The following SYNE1 variants were observed in gnomAD, a reference collection of about 807,000 sequenced individuals.
SYNE1 encodes nesprin-1.
A neutral mutation model predicts 1,111.0 loss-of-function variants in SYNE1; 616 were observed. The observed-to-expected ratio is 0.55, with a 90% CI of 0.52 to 0.59. SYNE1 has a LOEUF of 0.59. SYNE1 is among the 20% of genes least tolerant of loss of function. SYNE1 has a pLI of 0.00. For synonymous variants in SYNE1, 3,855 were observed against 3,825.8 expected, an observed-to-expected ratio of 1.01 and a Z score of -0.28; for missense variants, 10,006 against 10,417.0, an observed-to-expected ratio of 0.96 and a Z score of 1.72.
intron 14 of SYNE1, chr6:152,480,874 C>T (rs2098889863): frequency 2.3e-6 from 1 of 443,892 alleles, no homozygotes; most frequent in Non-Finnish European, 4.5e-6. Flanking sequence ...CCCTGATCCA[C>T]TTCATTTCTG....
At chr6:152,165,730 T>C (rs909376821) in intron 130 of SYNE1, among the ~76,000 whole-genome samples, 1 of 152,218 alleles carries the variant, frequency 6.6e-6, no homozygotes, top group Non-Finnish European at 1.5e-5. Context: ...CTTCAAGGCA[T>C]TGGCCTTGAA....
At chr6:152,537,941 C>A (rs746358306) in intron 4 of SYNE1, among the ~76,000 whole-genome samples, 1 of 152,102 alleles carries the variant, frequency 6.6e-6, no homozygotes, top group Admixed American at 6.6e-5. Context: ...AACTCATAAA[C>A]GGTTTGGTTG....
intron 4 of SYNE1, among the ~76,000 whole-genome samples, chr6:152,535,877 A>G (rs189089520): frequency 1.3e-5 from 2 of 152,282 alleles, no homozygotes; most frequent in Admixed American, 1.3e-4. Flanking sequence ...TGAAAGAACT[A>G]TTTTTAACTG....
chr6:152,502,052 A>T (rs918156619), intron 10 of SYNE1, among the ~76,000 whole-genome samples: 14 of 152,134 alleles, frequency 9.2e-5, no homozygotes, highest in African/African-American at 3.4e-4. Context: ...AAATACAGAA[A>T]ATTTTTTCCT....
chr6:152,447,040 A>T (rs1479610616), intron 29 of SYNE1, among the ~76,000 whole-genome samples: 2 of 152,328 alleles, frequency 1.3e-5, no homozygotes, highest in South Asian at 2.1e-4. Flanking sequence ...TAAATAAGGA[A>T]ATCAAGACCT....
In SYNE1 at chr6:152,416,852, C is replaced by T. The variant is rs1175854945; in HGVS notation, c.5585G>A (p.Arg1862Lys). 6.2e-7 allele frequency: 1 copy of T among 1,614,092 alleles called. No homozygotes were observed. Among genetic ancestry groups the T allele is most frequent in the South Asian group, 1.1e-5 (1 of 91,086 alleles). ...LFEEASQVVE[R>K]RQLALSHLAE... ...CAAATGGGACAGGGCAAGCTGCCGC[C>T]TCTCCACAACCTGGCTGGCCTCCTC... The change falls in exon 41 of 146, where the codon AGG (arginine) becomes AAG (lysine). Residue 1862 changes from arginine to lysine, a missense_variant. By Grantham distance (26) the Arg-to-Lys change is conservative (BLOSUM62 2). Coordinates refer to ENST00000367255, the MANE Select transcript of SYNE1 (RefSeq NM_182961.4).
Position 152,232,147 on chromosome 6 carries a change from T to G in SYNE1, c.20831A>C (p.Lys6944Thr), listed in dbSNP as rs1329324578. Residue 6944 changes from lysine (K) to threonine (T), a missense_variant, in exon 113 of 146, where the codon AAG (lysine) becomes ACG (threonine). Transcript: ENST00000367255. ...TTTCTGAAGGTATTCATGAATTGCCTTGTAACCTATGGAATTTTTAATATT... is the reference window on the plus strand; with the variant it reads ...TTTCTGAAGGTATTCATGAATTGCCGTGTAACCTATGGAATTTTTAATATT... ...EDNIKNSIGY[K>T]AIHEYLQKYK... 6.2e-7 allele frequency: 1 copy of G among 1,602,778 alleles called. No individual in the cohort carries two copies. The highest frequency in any genetic ancestry group is 1.3e-5 in the African/African-American group (1 of 74,664).
chr6:152,538,656 A>G (rs2099255499), intron 4 of SYNE1, among the ~76,000 whole-genome samples: 1 of 151,902 alleles, frequency 6.6e-6, no homozygotes. Context: ...CTTTTCCCCA[A>G]TCGATGACAA....
At chr6:152,432,539 A>G (rs1169019891) in intron 34 of SYNE1, among the ~76,000 whole-genome samples, 1 of 152,152 alleles carries the variant, frequency 6.6e-6, no homozygotes, top group African/African-American at 2.4e-5. Flanking sequence ...AATTGAATAT[A>G]TATTTTAAGA....
intron 104 of SYNE1, among the ~76,000 whole-genome samples, chr6:152,251,956 T>C (rs1295248199): frequency 6.6e-6 from 1 of 150,932 alleles, no homozygotes; most frequent in Non-Finnish European, 1.5e-5. Flanking sequence ...GAAACAGATT[T>C]GCAGAAAGTT....
intron 121 of SYNE1, among the ~76,000 whole-genome samples, chr6:152,217,559 GC>G (rs2079047658): frequency 6.6e-6 from 1 of 152,140 alleles, no homozygotes; most frequent in South Asian, 2.1e-4. Context: ...CATTCTGACA[GC>G]CAGGAGGAGG....
At chr6:152,324,479 C>T (rs2095990515) in intron 81 of SYNE1, among the ~76,000 whole-genome samples, 1 of 151,864 alleles carries the variant, frequency 6.6e-6, no homozygotes, top group Non-Finnish European at 1.5e-5. Flanking sequence ...AAAAGTATCT[C>T]ATTCTTTTTC....
chr6:152,386,375 G>T (rs2097526924), intron 54 of SYNE1, among the ~76,000 whole-genome samples: 1 of 152,106 alleles, frequency 6.6e-6, no homozygotes, highest in East Asian at 1.9e-4. Flanking sequence ...TTTGACTTGA[G>T]TCATAGCTCT....
chr6:152,578,395 G>C (rs2099508534), intron 3 of SYNE1, among the ~76,000 whole-genome samples: 1 of 152,128 alleles, frequency 6.6e-6, no homozygotes, highest in Non-Finnish European at 1.5e-5. Flanking sequence ...AGAAATTCAA[G>C]ACCAGCCTGG....
chr6:152,252,930 TAA>T (rs2089743809), intron 104 of SYNE1, among the ~76,000 whole-genome samples: 1 of 152,132 alleles, frequency 6.6e-6, no homozygotes, highest in African/African-American at 2.4e-5. Context: ...TAATTACCAA[TAA>T]AGTTTAAAAG....
chr6:152,606,298 G>A (rs148325910), intron 3 of SYNE1, among the ~76,000 whole-genome samples: 354 of 152,248 alleles, frequency 2.3e-3, no homozygotes, highest in African/African-American at 8.2e-3. Flanking sequence ...GGGGCTACCC[G>A]GCATTAGCCC....
In SYNE1 at chr6:152,391,386, G is replaced by A. The variant is rs774460799; in HGVS notation, c.7895C>T (p.Ala2632Val). 6.2e-7 allele frequency: 1 copy of A among 1,613,978 alleles called. No individual in the cohort carries two copies. The highest frequency in any genetic ancestry group is 1.3e-5 in the African/African-American group (1 of 74,970). The change falls in exon 52 of 146, where the codon GCA becomes GTA. Residue 2632 changes from alanine (A) to valine (V), a missense_variant. Transcript: ENST00000367255. The part of the protein sequence containing the change: ...ALQEHEALEE[A>V]LQSMWFWVKA... ...CACCCAGAACCACATGCTTTGCAGT[G>A]CTTCCTCCAGGGCTTCGTGCTCCTG...
intron 95 of SYNE1, among the ~76,000 whole-genome samples, chr6:152,289,445 C>A (rs2094476216): frequency 6.6e-6 from 1 of 152,130 alleles, no homozygotes. Flanking sequence ...TGCTCTGTCA[C>A]CTAGCTGCCA....
chr6:152,609,420 G>C (rs1002728538), intron 3 of SYNE1, among the ~76,000 whole-genome samples: 1 of 152,166 alleles, frequency 6.6e-6, no homozygotes, highest in Non-Finnish European at 1.5e-5. Flanking sequence ...GGCTGGAGGA[G>C]GAGTGTTCGC....
Sources: allele counts gnomAD v4.1 joint callset (sites outside exome capture counted in the v4.1 genomes callset), GRCh38; gene constraint gnomAD v4.1.1; transcripts MANE v1.5; gene names NCBI Gene and HGNC (gene_info 2026-07-23, HGNC 2026-07-21).